LHFPL3: variants seen among roughly 807,000 people sequenced by gnomAD.
LHFPL3 encodes the protein LHFPL tetraspan subfamily member 3.
Under a neutral mutation model 19.3 loss-of-function variants are expected in LHFPL3, and 5 were observed. The ratio of observed to expected loss-of-function variants is 0.26; its 90% CI spans 0.14 to 0.54. The LOEUF (loss-of-function observed/expected upper bound fraction) is 0.54. LHFPL3 is among the 20% of genes least tolerant of loss of function. The pLI, the probability that LHFPL3 is intolerant of heterozygous loss-of-function variation, is 0.94. For missense variants in LHFPL3, 249 were observed against 307.4 expected (o/e 0.81, Z 1.42); for synonymous variants, 133 against 126.2 (o/e 1.05, Z -0.36).
At chr7:104,650,262 C>A (rs557099530) in intron 1 of LHFPL3, among the ~76,000 whole-genome samples, 1 of 152,320 alleles carries the variant, frequency 6.6e-6, no homozygotes, top group Admixed American at 6.5e-5. Flanking sequence ...GAGGATATGG[C>A]TTCTCCAGGG....
At chr7:104,711,569 G>T (rs1310791153) in intron 1 of LHFPL3, among the ~76,000 whole-genome samples, 1 of 152,136 alleles carries the variant, frequency 6.6e-6, no homozygotes, top group African/African-American at 2.4e-5. Context: ...ATTAGCCTTG[G>T]TCAAGGTGAC....
In LHFPL3 at chr7:104,399,707, C is replaced by T. The variant is rs553238555; in HGVS notation, c.445+70483C>T. On this transcript the variant is annotated intron_variant, in intron 1 of 2. Transcript: ENST00000424859. The surrounding 1 kb of genome is among the most constrained non-coding windows in gnomAD (Gnocchi z 4.4). The stretch of plus-strand genomic sequence containing the variant: ...CAGGCTGGTCTTGAACTCCCAACCT[C>T]GTGCTCCGCCCACCTCGGCCTCCCA... 1.3e-5 allele frequency among the ~76,000 whole-genome samples: 2 copies of T among 150,588 alleles called. No individual in the cohort carries two copies. Among genetic ancestry groups the T allele is most frequent in the South Asian group, 2.1e-4 (1 of 4,748 alleles).
intron 1 of LHFPL3, among the ~76,000 whole-genome samples, chr7:104,462,777 T>C (rs1792695015): frequency 6.6e-6 from 1 of 152,174 alleles, no homozygotes; most frequent in Non-Finnish European, 1.5e-5. Context: ...GAGGAGTCCC[T>C]CCTCCTCATT....
intron 2 of LHFPL3, among the ~76,000 whole-genome samples, chr7:104,802,514 A>AAG (rs199754702): frequency 4.7e-4 from 66 of 141,722 alleles, no homozygotes; most frequent in Middle Eastern, 3.8e-3. Flanking sequence ...AAAAAAAAAA[A>AAG]AGAGAGAGAG....
intron 1 of LHFPL3, among the ~76,000 whole-genome samples, chr7:104,664,827 T>C (rs957481357): frequency 6.6e-6 from 1 of 152,122 alleles, no homozygotes; most frequent in Non-Finnish European, 1.5e-5. Flanking sequence ...ATCACCTCCA[T>C]TGGTGAGAAT....
chr7:104,332,682 G>C (rs2116346905), intron 1 of LHFPL3, among the ~76,000 whole-genome samples: 1 of 152,188 alleles, frequency 6.6e-6, no homozygotes, highest in East Asian at 1.9e-4. Context: ...CGTTCATCTA[G>C]GTGTGTGAAG....
At chr7:104,331,056 T>G (rs1801558268) in intron 1 of LHFPL3, among the ~76,000 whole-genome samples, 1 of 152,190 alleles carries the variant, frequency 6.6e-6, no homozygotes. Context: ...TTTTATGAGG[T>G]TTCCTACTCT....
At chr7:104,796,213 T>G (rs1323687114) in intron 2 of LHFPL3, among the ~76,000 whole-genome samples, 1 of 152,178 alleles carries the variant, frequency 6.6e-6, no homozygotes, top group Non-Finnish European at 1.5e-5. Flanking sequence ...ACTGACACAG[T>G]GGAGGACTGC....
chr7:104,549,731 G>A (rs1794634256), intron 1 of LHFPL3, among the ~76,000 whole-genome samples: 1 of 152,100 alleles, frequency 6.6e-6, no homozygotes, highest in South Asian at 2.1e-4. Context: ...ATCTATCTGG[G>A]GACCTTGCTT....
At chr7:104,769,714 G>C (rs982750977) in intron 2 of LHFPL3, among the ~76,000 whole-genome samples, 1 of 151,890 alleles carries the variant, frequency 6.6e-6, no homozygotes. Flanking sequence ...GCGGTGTTTG[G>C]TTTTCTGTTC....
intron 1 of LHFPL3, among the ~76,000 whole-genome samples, chr7:104,721,527 T>TTAAAG (rs1463841732): frequency 1.3e-5 from 2 of 148,688 alleles, no homozygotes; most frequent in Non-Finnish European, 3.0e-5. Flanking sequence ...ACCCTAGAAC[T>TTAAAG]TAAAGTATAA....
intron 1 of LHFPL3, among the ~76,000 whole-genome samples, chr7:104,640,916 A>G (rs1225534914): frequency 6.6e-6 from 1 of 152,228 alleles, no homozygotes; most frequent in East Asian, 1.9e-4. Context: ...ATTATCAAAT[A>G]TTGAACAAAA....
intron 1 of LHFPL3, among the ~76,000 whole-genome samples, chr7:104,353,005 C>T (rs747044291): frequency 4.6e-5 from 7 of 152,244 alleles, no homozygotes; most frequent in African/African-American, 1.4e-4. Flanking sequence ...AAGGGCTACC[C>T]GGAAAGGCGA....
At chr7:104,880,032 C>A (rs1422162398) in intron 2 of LHFPL3, among the ~76,000 whole-genome samples, 1 of 150,914 alleles carries the variant, frequency 6.6e-6, no homozygotes, top group Non-Finnish European at 1.5e-5. Flanking sequence ...AGAACTCTGT[C>A]TCTTCAAAAA....
intron 2 of LHFPL3, among the ~76,000 whole-genome samples, chr7:104,760,784 G>C (rs1794357792): frequency 6.6e-6 from 1 of 152,082 alleles, no homozygotes; most frequent in Admixed American, 6.6e-5. Context: ...GATTTATTAA[G>C]TGGCCTGAGG....
chr7:104,422,807 C>T (rs1324242915), intron 1 of LHFPL3, among the ~76,000 whole-genome samples: 8 of 152,198 alleles, frequency 5.3e-5, no homozygotes, highest in Admixed American at 6.5e-5. Context: ...ATTACCATGA[C>T]ATGCTGGTGG....
chr7:104,449,187 T>C (rs1186005727), intron 1 of LHFPL3, among the ~76,000 whole-genome samples: 2 of 152,236 alleles, frequency 1.3e-5, no homozygotes, highest in Admixed American at 6.5e-5. Flanking sequence ...TTTGTAGTGA[T>C]GCATCACACA....
chr7:104,468,518 C>T (rs1304880017), intron 1 of LHFPL3, among the ~76,000 whole-genome samples: 1 of 152,088 alleles, frequency 6.6e-6, no homozygotes, highest in African/African-American at 2.4e-5. Flanking sequence ...ACAATAAATG[C>T]ATCATTTGTG....
intron 1 of LHFPL3, among the ~76,000 whole-genome samples, chr7:104,348,800 G>A (rs1192276389): frequency 2.0e-5 from 3 of 152,276 alleles, no homozygotes; most frequent in East Asian, 1.9e-4. Flanking sequence ...ATAATTCAAG[G>A]CGCTAAACAG....
Sources: gnomAD v4.1 joint callset for allele counts (sites outside exome capture counted in the v4.1 genomes callset) on GRCh38, gnomAD v4.1.1 for gene constraint, Gnocchi (gnomAD v3.1) non-coding constraint, MANE v1.5 for transcripts, NCBI Gene and HGNC (gene_info 2026-07-23, HGNC 2026-07-21) for gene names.